Variants in PEX5L observed in about 807,000 individuals in gnomAD.
The protein encoded by PEX5L is PEX5-related protein.
Under a neutral mutation model 84.0 loss-of-function variants are expected in PEX5L, and 30 were observed. The observed-to-expected ratio is 0.36, with a 90% CI of 0.27 to 0.48. The LOEUF (loss-of-function observed/expected upper bound fraction) is 0.48. Among genes scored for constraint, PEX5L ranks in the 20% least tolerant of loss-of-function variants. The pLI is 0.99. For missense variants in PEX5L, 533 were observed against 754.6 expected (o/e 0.71, Z 3.44); for synonymous variants, 270 against 283.1 (o/e 0.95, Z 0.46).
At chr3:179,931,328 A>G (rs1344223362) in intron 2 of PEX5L, among the ~76,000 whole-genome samples, 1 of 152,198 alleles carries the variant, frequency 6.6e-6, no homozygotes, top group Non-Finnish European at 1.5e-5. Context: ...CATCTATTCA[A>G]TCCATTCCAT....
intron 8 of PEX5L, among the ~76,000 whole-genome samples, chr3:179,830,014 T>C (rs7618908): frequency 0.7 from 100,930 of 144,936 alleles, 35,635 homozygotes; most frequent in African/African-American, 0.8. Flanking sequence ...CCAGGCTGAT[T>C]TCGAACTCCT....
chr3:179,819,010 T>G (rs1727379913), intron 9 of PEX5L, among the ~76,000 whole-genome samples: 1 of 150,338 alleles, frequency 6.7e-6, no homozygotes, highest in Non-Finnish European at 1.5e-5. Context: ...TAGTCTCCTG[T>G]AGAACTGTAG....
intron 1 of PEX5L, among the ~76,000 whole-genome samples, chr3:180,025,162 A>C (rs1790834041): frequency 6.6e-6 from 1 of 152,152 alleles, no homozygotes; most frequent in Admixed American, 6.5e-5. Flanking sequence ...AGTGTGTAGA[A>C]ACTTCACTTG....
At chr3:179,829,943 A>ATTTTTT (rs11352022) in intron 8 of PEX5L, among the ~76,000 whole-genome samples, 13 of 83,624 alleles carry the variant, frequency 1.6e-4, no homozygotes, top group African/African-American at 2.4e-4. Flanking sequence ...GGCCTGGCTA[A>ATTTTTT]TTTTTTTTTT....
At chr3:179,808,195 A>G in intron 13 of PEX5L, 77 bp downstream of exon 13, 1 of 1,197,204 alleles carries the variant, frequency 8.4e-7, no homozygotes, top group Non-Finnish European at 1.1e-6. Flanking sequence ...TGCAGAAGAA[A>G]TGTAGACGGT....
intron 2 of PEX5L, among the ~76,000 whole-genome samples, chr3:179,944,718 G>A (rs1378405130): frequency 3.3e-5 from 5 of 152,134 alleles, no homozygotes; most frequent in Non-Finnish European, 5.9e-5. Context: ...TTTTAAGGCC[G>A]TTTTCAACAG....
rs1299291750 is a variant in PEX5L, at chr3:179,868,060, T to C, written c.726+6267A>G. 2.0e-5 allele frequency among the ~76,000 whole-genome samples: 3 copies of C among 149,686 alleles called. No homozygotes were observed. In the East Asian group the frequency reaches 5.8e-4, roughly 29 times the overall value. On this transcript the variant is annotated intron_variant, in intron 7 of 14. Transcript: ENST00000467460. ...TCTTCTTCTTTTTTTTTTTTTTTTTTTTTAGAGATGGGGTTTCACTATGTT... is the reference window on the plus strand; with the variant it reads ...TCTTCTTCTTTTTTTTTTTTTTTTTCTTTAGAGATGGGGTTTCACTATGTT...
chr3:180,031,321 A>G (rs1791443662), intron 1 of PEX5L, among the ~76,000 whole-genome samples: 1 of 152,140 alleles, frequency 6.6e-6, no homozygotes, highest in South Asian at 2.1e-4. Context: ...TGGTATCCCT[A>G]CTAAAGGGGA....
chr3:180,012,382 C>CT (rs139514766), intron 1 of PEX5L, among the ~76,000 whole-genome samples: 19,358 of 152,070 alleles, frequency 0.13, 1,361 homozygotes, highest in African/African-American at 0.19. Context: ...TGTATTCTTG[C>CT]TTTTTATGGG....
chr3:179,829,772 CT>C (rs55899128), intron 8 of PEX5L, among the ~76,000 whole-genome samples: 8,633 of 120,850 alleles, frequency 0.071, 436 homozygotes, highest in Middle Eastern at 0.18. Context: ...CTTGCTATAT[CT>C]TTTTTTTTTT....
rs191731187 is a variant in PEX5L at position 179,947,864 on chromosome 3, G to A, written c.93+23730C>T. ...TGGGACTACAGGCACCCGCCACCAC[G>A]CCTGGCTAATTTTTTGTATTTTTAG... On this transcript the variant is annotated intron_variant, in intron 2 of 14. Coordinates refer to ENST00000467460, the MANE Select transcript of PEX5L (RefSeq NM_016559.3). Among the ~76,000 whole-genome samples the A allele has an allele frequency of 5.9e-3, 901 of 151,924 alleles. 5 individuals carry two copies. Among genetic ancestry groups the A allele is most frequent in the African/African-American group, 0.021 (862 of 41,412 alleles).
chr3:179,900,197 T>G (rs983581466), intron 2 of PEX5L, among the ~76,000 whole-genome samples: 1 of 152,116 alleles, frequency 6.6e-6, no homozygotes, highest in Non-Finnish European at 1.5e-5. Flanking sequence ...GCAGCTTACG[T>G]TTTTCAAGAG....
At chr3:179,896,467 T>C (rs1051489646) in intron 3 of PEX5L, among the ~76,000 whole-genome samples, 11 of 152,100 alleles carry the variant, frequency 7.2e-5, no homozygotes, top group Non-Finnish European at 1.5e-4. Flanking sequence ...GTCCTGGATA[T>C]GAGAAAATGG....
At chr3:179,872,569 A>G (rs1750740142) in intron 7 of PEX5L, among the ~76,000 whole-genome samples, 1 of 152,204 alleles carries the variant, frequency 6.6e-6, no homozygotes. Flanking sequence ...CTGATGGGTA[A>G]GAGGAAGGAC....
At chr3:179,953,886 G>A (rs1384737096) in intron 2 of PEX5L, among the ~76,000 whole-genome samples, 5 of 152,128 alleles carry the variant, frequency 3.3e-5, no homozygotes, top group Non-Finnish European at 7.4e-5. Context: ...CAACTGAAAT[G>A]AATACAGTGA....
intron 1 of PEX5L, among the ~76,000 whole-genome samples, chr3:179,996,178 C>A (rs1787873595): frequency 6.6e-6 from 1 of 152,134 alleles, no homozygotes. Flanking sequence ...AAGGCTAATG[C>A]CCCAGCAGGG....
chr3:180,024,806 C>G (rs970818822), intron 1 of PEX5L, among the ~76,000 whole-genome samples: 1 of 152,068 alleles, frequency 6.6e-6, no homozygotes, highest in African/African-American at 2.4e-5. Flanking sequence ...GACAGCAGTT[C>G]CGACATCATA....
chr3:179,962,221 G>T (rs149767846), intron 2 of PEX5L, among the ~76,000 whole-genome samples: 1 of 152,218 alleles, frequency 6.6e-6, no homozygotes, highest in African/African-American at 2.4e-5. Context: ...ATTCTGGTTT[G>T]ATTACTATGC....
intron 2 of PEX5L, among the ~76,000 whole-genome samples, chr3:179,927,800 T>C (rs890007034): frequency 1.2e-4 from 19 of 152,186 alleles, no homozygotes; most frequent in African/African-American, 4.3e-4. Flanking sequence ...TTATGAGAAA[T>C]AGTGTAAACT....
Sources: allele counts gnomAD v4.1 joint callset (sites outside exome capture counted in the v4.1 genomes callset), GRCh38; gene constraint gnomAD v4.1.1; transcripts MANE v1.5; gene names NCBI Gene and HGNC (gene_info 2026-07-23, HGNC 2026-07-21).